Variants in KHDRBS2 observed in about 807,000 individuals in gnomAD.
KHDRBS2 encodes the protein KH RNA binding domain containing, signal transduction associated 2.
Under a neutral mutation model 44.3 loss-of-function variants are expected in KHDRBS2, and 26 were observed. The ratio of observed to expected loss-of-function variants is 0.59; its 90% CI spans 0.43 to 0.81. The LOEUF (loss-of-function observed/expected upper bound fraction) is 0.81, where lower values mean the gene tolerates loss of function less well. Ranked by LOEUF, KHDRBS2 falls within the 40% of genes least tolerant of loss-of-function variation. The probability of loss-of-function intolerance (pLI) is 0.00; values close to 1 mark genes in which losing one functional copy is unlikely to be tolerated. For synonymous variants in KHDRBS2, 194 were observed against 151.1 expected, an observed-to-expected ratio of 1.28 and a Z score of -2.08; for missense variants, 476 against 433.1, an observed-to-expected ratio of 1.10 and a Z score of -0.88.
At chr6:61,859,790 G>A (rs775412529) in intron 6 of KHDRBS2, among the ~76,000 whole-genome samples, 2 of 151,878 alleles carry the variant, frequency 1.3e-5, no homozygotes, top group African/African-American at 2.4e-5. Flanking sequence ...ATAGAAAAAG[G>A]CAATTGAGAA....
At chr6:62,087,979 C>G (rs1798731075) in intron 2 of KHDRBS2, among the ~76,000 whole-genome samples, 1 of 152,120 alleles carries the variant, frequency 6.6e-6, no homozygotes, top group East Asian at 1.9e-4. Flanking sequence ...TCTGCTTTAT[C>G]GATTTGGCTA....
chr6:62,100,543 G>A (rs1253700560), intron 2 of KHDRBS2, among the ~76,000 whole-genome samples: 1 of 152,108 alleles, frequency 6.6e-6, no homozygotes, highest in Non-Finnish European at 1.5e-5. Context: ...TTATTGTGTT[G>A]TCTTTTACAA....
intron 3 of KHDRBS2, among the ~76,000 whole-genome samples, chr6:62,009,560 T>A (rs1359476920): frequency 1.3e-5 from 2 of 152,180 alleles, no homozygotes; most frequent in Non-Finnish European, 2.9e-5. Flanking sequence ...ATGTCTGAGA[T>A]CTTCATGGCA....
At chr6:62,169,485 A>C (rs1400513774) in intron 2 of KHDRBS2, among the ~76,000 whole-genome samples, 1 of 152,086 alleles carries the variant, frequency 6.6e-6, no homozygotes, top group Admixed American at 6.6e-5. Flanking sequence ...AGGGCTAGTG[A>C]ACACTGACCC....
chr6:62,154,597 T>G (rs1428468746), intron 2 of KHDRBS2, among the ~76,000 whole-genome samples: 1 of 152,152 alleles, frequency 6.6e-6, no homozygotes, highest in African/African-American at 2.4e-5. Flanking sequence ...GTTTCTCCTA[T>G]TCATCTTAGA....
intron 1 of KHDRBS2, among the ~76,000 whole-genome samples, chr6:62,262,601 T>C (rs1354066333): frequency 6.6e-6 from 1 of 151,780 alleles, no homozygotes; most frequent in Non-Finnish European, 1.5e-5. Flanking sequence ...TTGTTGAAAT[T>C]AATCAAATCT....
the KHDRBS2 span, among the ~76,000 whole-genome samples, chr6:61,624,851 A>T: frequency 6.6e-6 from 1 of 152,194 alleles, no homozygotes; most frequent in Non-Finnish European, 1.5e-5. Context: ...ATCTGCCATT[A>T]GTTCTAATGA....
intron 6 of KHDRBS2, among the ~76,000 whole-genome samples, chr6:61,743,891 G>A (rs1265839703): frequency 7.1e-6 from 1 of 141,762 alleles, no homozygotes; most frequent in African/African-American, 2.6e-5. Flanking sequence ...TTGGTTTTTT[G>A]TCCTTGCGAT....
rs376250128 is a variant in KHDRBS2, at chr6:61,937,287, T to C, written c.484-35916A>G. On this transcript the variant is annotated intron_variant, in intron 4 of 8. Transcript: ENST00000281156. ...AAGCATCCTTTTTCTTTTTTTATTATACTGTCCTGTCTTGTCTTGCAAATC... is the reference window on the plus strand; with the variant it reads ...AAGCATCCTTTTTCTTTTTTTATTACACTGTCCTGTCTTGTCTTGCAAATC... Among the ~76,000 whole-genome samples, 350 of 152,156 alleles carry C rather than the reference T, an allele frequency of 2.3e-3. 2 individuals carry two copies. Among genetic ancestry groups the C allele is most frequent in the African/African-American group, 8.2e-3 (341 of 41,572 alleles).
intron 7 of KHDRBS2, among the ~76,000 whole-genome samples, chr6:61,709,802 G>T (rs997356751): frequency 6.6e-6 from 1 of 151,624 alleles, no homozygotes; most frequent in African/African-American, 2.4e-5. Context: ...AGAAGCTATT[G>T]AACCCTAGTT....
intron 2 of KHDRBS2, among the ~76,000 whole-genome samples, chr6:62,119,575 C>T (rs1807102845): frequency 1.3e-5 from 2 of 152,088 alleles, no homozygotes; most frequent in Admixed American, 6.6e-5. Context: ...AAAGTAAGGG[C>T]AATGATTGGA....
chr6:61,771,601 T>C (rs1313369282), intron 6 of KHDRBS2, among the ~76,000 whole-genome samples: 1 of 152,154 alleles, frequency 6.6e-6, no homozygotes, highest in African/African-American at 2.4e-5. Context: ...GGCCATTACA[T>C]AATGGTAAAG....
chr6:61,750,508 G>A (rs997446185), intron 6 of KHDRBS2, among the ~76,000 whole-genome samples: 1 of 152,026 alleles, frequency 6.6e-6, no homozygotes, highest in Non-Finnish European at 1.5e-5. Flanking sequence ...ACTGCATTAT[G>A]TCTGGATTCT....
chr6:61,792,254 G>T (rs578239933), intron 6 of KHDRBS2, among the ~76,000 whole-genome samples: 1 of 150,618 alleles, frequency 6.6e-6, no homozygotes. Flanking sequence ...ATATGCTGCT[G>T]GTTTTTATAT....
chr6:61,877,634 CT>C (rs1412537215), intron 6 of KHDRBS2, among the ~76,000 whole-genome samples: 1 of 151,754 alleles, frequency 6.6e-6, no homozygotes, highest in East Asian at 1.9e-4. Context: ...TTTAAAAAAA[CT>C]ATTATGCAAC....
chr6:61,983,515 A>G (rs1260883462), intron 3 of KHDRBS2, among the ~76,000 whole-genome samples: 2 of 152,014 alleles, frequency 1.3e-5, no homozygotes, highest in Admixed American at 6.5e-5. Context: ...TACTTGGGAT[A>G]GTCTGGGGAC....
At chr6:62,001,423 C>T (rs1213064590) in intron 3 of KHDRBS2, among the ~76,000 whole-genome samples, 2 of 150,428 alleles carry the variant, frequency 1.3e-5, no homozygotes, top group African/African-American at 4.9e-5. Context: ...CTTACTGTGA[C>T]ACTACATTAA....
the KHDRBS2 span, among the ~76,000 whole-genome samples, chr6:61,628,561 C>T: frequency 6.6e-6 from 1 of 152,122 alleles, no homozygotes; most frequent in Admixed American, 6.5e-5. Context: ...CATTACTTTG[C>T]TTACTCTCAA....
At chr6:62,194,753 C>T (rs1825330998) in intron 1 of KHDRBS2, among the ~76,000 whole-genome samples, 1 of 151,814 alleles carries the variant, frequency 6.6e-6, no homozygotes, top group Admixed American at 6.6e-5. Context: ...GTGATTCACT[C>T]ATGGTGGTCT....
Sources: gnomAD v4.1 joint callset for allele counts (sites outside exome capture counted in the v4.1 genomes callset) on GRCh38, gnomAD v4.1.1 for gene constraint, MANE v1.5 for transcripts, NCBI Gene and HGNC (gene_info 2026-07-23, HGNC 2026-07-21) for gene names.